ZNF221: variants seen among roughly 807,000 people sequenced by gnomAD.
ZNF221 encodes the protein zinc finger protein 221.
A neutral mutation model predicts 12.6 loss-of-function variants in ZNF221; 10 were observed. The observed-to-expected ratio is 0.79, with a 90% CI of 0.49 to 1.34. The LOEUF (loss-of-function observed/expected upper bound fraction) is 1.34. ZNF221 is among the 40% of genes most tolerant of loss of function. The pLI, the probability that ZNF221 is intolerant of heterozygous loss-of-function variation, is 0.00. For missense variants in ZNF221, 661 were observed against 721.4 expected (o/e 0.92, Z 0.96); for synonymous variants, 232 against 244.0 (o/e 0.95, Z 0.46).
intron 1 of ZNF221, among the ~76,000 whole-genome samples, chr19:43,954,405 C>T (rs1974722030): frequency 6.6e-6 from 1 of 152,156 alleles, no homozygotes; most frequent in Non-Finnish European, 1.5e-5. Context: ...CATTAATACA[C>T]AGACTTTTTC....
downstream of ZNF221, among the ~76,000 whole-genome samples, chr19:43,971,176 G>C (rs1975089401): frequency 6.6e-6 from 1 of 152,152 alleles, no homozygotes; most frequent in South Asian, 2.1e-4. Context: ...TATGTGCAAA[G>C]AAATAAGATC....
At position 43,967,073 on chromosome 19, in the gene ZNF221, A is replaced by G. The variant is rs553415440; in HGVS notation, c.1571A>G (p.His524Arg). The G allele has an allele frequency of 6.2e-5, 99 of 1,596,338 alleles. No homozygotes were observed. The highest frequency in any genetic ancestry group is 8.1e-5 in the Non-Finnish European group (95 of 1,168,890). The change falls in exon 5 of 5, where the codon CAT (histidine) becomes CGT (arginine). Residue 524 changes from histidine to arginine, a missense_variant. Physicochemically the swap from His to Arg is conservative, Grantham distance 29. Coordinates refer to ENST00000587682, the MANE Select transcript of ZNF221 (RefSeq NM_001297588.2). ...ACTCAGAGTTCACAACTTCATTCCC[A>G]TCAGACATGCCATACTGGAGAAAAG... The part of the protein sequence containing the change: ...RFTQSSQLHS[H>R]QTCHTGEKLY...
Position 43,966,974 on chromosome 19 carries a change from C to T in ZNF221, c.1472C>T (p.Ser491Phe), listed in dbSNP as rs576730468. Residue 491 changes from serine to phenylalanine, a missense_variant, in exon 5 of 5, where the codon TCC becomes TTC. Physicochemically the swap from Ser to Phe is radical, Grantham distance 155. Coordinates refer to ENST00000587682, the MANE Select transcript of ZNF221 (RefSeq NM_001297588.2). ...KECGKSFGWASCLLKHQRLHS... is the reference protein window; with the variant it reads ...KECGKSFGWAFCLLKHQRLHS... ...TGTGGCAAGAGCTTTGGCTGGGCCT[C>T]CTGTCTTTTGAAACATCAGAGACTC... is the stretch of plus-strand genomic sequence containing the variant. 6.2e-6 allele frequency: 10 copies of T among 1,614,034 alleles called. 1 individual carries two copies. The South Asian group carries it at 6.6e-5, about 11-fold the overall frequency.
intron 4 of ZNF221, 42 bp from the exon 5 acceptor site, chr19:43,965,762 G>A: frequency 6.7e-7 from 1 of 1,495,692 alleles, no homozygotes; most frequent in Non-Finnish European, 9.0e-7. Flanking sequence ...ACATTGAATA[G>A]GGCTTCACTT....
intron 1 of ZNF221, among the ~76,000 whole-genome samples, chr19:43,952,072 A>G (rs1974681794): frequency 1.3e-5 from 2 of 150,624 alleles, no homozygotes; most frequent in Non-Finnish European, 3.0e-5. Context: ...ACGGGGTTTC[A>G]CCGTGTTAGC....
chr19:43,972,094 T>A (rs1599825448), downstream of ZNF221, among the ~76,000 whole-genome samples: 1 of 151,774 alleles, frequency 6.6e-6, no homozygotes, highest in Non-Finnish European at 1.5e-5. Context: ...GATTAAGAAA[T>A]TCACCCAAAA....
the ZNF221 span, among the ~76,000 whole-genome samples, chr19:43,973,386 G>T: frequency 2.6e-5 from 4 of 152,072 alleles, no homozygotes; most frequent in South Asian, 8.3e-4. Context: ...GTTCAACACA[G>T]TATTGGAAGT....
At chr19:43,952,579 G>A (rs1035925027) in intron 1 of ZNF221, among the ~76,000 whole-genome samples, 1 of 152,214 alleles carries the variant, frequency 6.6e-6, no homozygotes, top group Admixed American at 6.5e-5. Flanking sequence ...AAAGGGAGCA[G>A]GAGTTATTTG....
chr19:43,979,095 G>C, the ZNF221 span, among the ~76,000 whole-genome samples: 1 of 151,980 alleles, frequency 6.6e-6, no homozygotes, highest in Non-Finnish European at 1.5e-5. Context: ...GTCTAAAAAA[G>C]AAAGTGGAAG....
the ZNF221 span, among the ~76,000 whole-genome samples, chr19:43,972,732 G>A: frequency 9.3e-4 from 97 of 104,602 alleles, no homozygotes; most frequent in Middle Eastern, 0.015. Context: ...GACCAATAAC[G>A]ACTTCTGAAA....
At chr19:43,968,485 G>A (rs1255066700), downstream of ZNF221, among the ~76,000 whole-genome samples, 1 of 152,204 alleles carries the variant, frequency 6.6e-6, no homozygotes, top group Non-Finnish European at 1.5e-5. Context: ...AAAGAGCTTT[G>A]GCTGGGCTTC....
chr19:43,969,093 C>T (rs1008525489), downstream of ZNF221, among the ~76,000 whole-genome samples: 1 of 152,182 alleles, frequency 6.6e-6, no homozygotes, highest in African/African-American at 2.4e-5. Context: ...TTCTGTGGGC[C>T]CCACTTCCAT....
downstream of ZNF221, among the ~76,000 whole-genome samples, chr19:43,971,007 A>C (rs984585260): frequency 6.6e-6 from 1 of 152,234 alleles, no homozygotes; most frequent in African/African-American, 2.4e-5. Context: ...AAGGGCAGTC[A>C]GAGAGAATGA....
chr19:43,962,697 T>G, intron 1 of ZNF221, 28 bp from the exon 2 acceptor site: 3 of 1,608,668 alleles, frequency 1.9e-6, no homozygotes, highest in Non-Finnish European at 2.6e-6. Flanking sequence ...TTCCTGTCTG[T>G]TTTTCTGCCT....
At chr19:43,955,427 C>G (rs1205064739) in intron 1 of ZNF221, among the ~76,000 whole-genome samples, 1 of 152,238 alleles carries the variant, frequency 6.6e-6, no homozygotes, top group Non-Finnish European at 1.5e-5. Flanking sequence ...CGGACCCAGG[C>G]AGCCACTGCA....
chr19:43,976,747 G>A, the ZNF221 span: 1 of 152,102 alleles, frequency 6.6e-6, no homozygotes, highest in African/African-American at 2.4e-5. Context: ...GTTGGAGTTT[G>A]GTGATTTCAT....
chr19:43,962,717 C>A lies in ZNF221; in HGVS notation c.-2-8C>A. ...GTCTGTTTTTCTGCCTTTCCTGGCA[C>A]TTTCCAGGCATGATTTCACCTTCAC... On this transcript the variant is annotated splice_region_variant and splice_polypyrimidine_tract_variant and intron_variant, in intron 1 of 4. Coordinates refer to ENST00000587682, the MANE Select transcript of ZNF221 (RefSeq NM_001297588.2). 1 of 1,613,888 alleles carries A rather than the reference C, an allele frequency of 6.2e-7. No individual in the cohort carries two copies. Among genetic ancestry groups the A allele is most frequent in the South Asian group, 1.1e-5 (1 of 91,078 alleles).
Position 43,966,830 on chromosome 19 carries a change from C to G in ZNF221, c.1328C>G (p.Ser443Cys). Residue 443 changes from serine (S) to cysteine (C), a missense_variant, in exon 5 of 5, where the codon TCC becomes TGC. Ser to Cys is a moderately radical substitution (Grantham distance 112, BLOSUM62 -1). Transcript: ENST00000587682. ...TCACGACGATCTTCCCATCAGAGATCCCACAATGGAGAAAAGCCATATAAC... is the reference window on the plus strand; with the variant it reads ...TCACGACGATCTTCCCATCAGAGATGCCACAATGGAGAAAAGCCATATAAC... ...TNSRRSSHQRSHNGEKPYNCE... is the reference protein window; with the variant it reads ...TNSRRSSHQRCHNGEKPYNCE... 6.2e-7 allele frequency: 1 copy of G among 1,614,148 alleles called. No individual in the cohort carries two copies. Among genetic ancestry groups the G allele is most frequent in the African/African-American group, 1.3e-5 (1 of 75,022 alleles).
In ZNF221 at chr19:43,965,928, C is replaced by T. The variant is rs1464657716; in HGVS notation, c.426C>T (p.Asn142=). ...CCAGGTCTCAAAACTCCATAAGGAA[C>T]AGCTCTCAGTTCTTCAAAGAAGGTG... ...DLTRSQNSIR[N]SSQFFKEGDV... is the part of the protein sequence containing the mutation. The change falls in exon 5 of 5, where the codon AAC becomes AAT. Residue 142 remains asparagine (N), a synonymous_variant. Transcript: ENST00000587682. The T allele has an allele frequency of 1.9e-6, 3 of 1,614,186 alleles. No homozygotes were observed. The highest frequency in any genetic ancestry group is 2.2e-5 in the East Asian group (1 of 44,872).
Sources: gnomAD v4.1 joint callset for allele counts (sites outside exome capture counted in the v4.1 genomes callset) on GRCh38, gnomAD v4.1.1 for gene constraint, MANE v1.5 for transcripts, NCBI Gene and HGNC (gene_info 2026-07-23, HGNC 2026-07-21) for gene names.